CAMSAP1: variants seen among roughly 807,000 people sequenced by gnomAD.
CAMSAP1 encodes the protein calmodulin-regulated spectrin-associated protein 1.
A neutral mutation model predicts 143.5 loss-of-function variants in CAMSAP1; 58 were observed. The ratio of observed to expected loss-of-function variants is 0.40; its 90% CI spans 0.33 to 0.50. The LOEUF (loss-of-function observed/expected upper bound fraction) is 0.50, where lower values mean the gene tolerates loss of function less well. Among genes scored for constraint, CAMSAP1 ranks in the 20% least tolerant of loss-of-function variants. The pLI is 0.45. For missense variants in CAMSAP1, 1,969 were observed against 2,115.7 expected (o/e 0.93, Z 1.36); for synonymous variants, 945 against 859.3 (o/e 1.10, Z -1.74).
Position 135,907,069 on chromosome 9 carries a change from G to A in CAMSAP1, c.91C>T (p.Arg31Cys). ...DGAADLVPLD[R>C]YDAARAKIAA... ...ATCTTGGCGCGCGCCGCGTCGTAGC[G>A]GTCCAGGGGCACGAGGTCGGCGGCG... The change falls in exon 1 of 17, where the codon CGC (arginine) becomes TGC (cysteine). Residue 31 changes from arginine (R) to cysteine (C), a missense_variant. Arg to Cys is a radical substitution (Grantham distance 180). This residue lies in a region of CAMSAP1 where 215 missense variants were observed against 196.2 expected (regional missense o/e 1.10). Transcript: ENST00000389532. The A allele has an allele frequency of 8.4e-7, 1 of 1,184,096 alleles. No homozygotes were observed. Among genetic ancestry groups the A allele is most frequent in the Non-Finnish European group, 1.1e-6 (1 of 948,588 alleles). 73.3% of individuals were successfully genotyped at this position (1,184,096 alleles called of 1,614,324 possible). A position where few individuals can be genotyped will look rare whatever the true frequency, so the allele number is the denominator to read the frequency against.
In CAMSAP1 at chr9:135,822,520, C is replaced by T. The variant is rs1588445926; in HGVS notation, c.2141G>A (p.Arg714Lys). ...GCTTTTTGAACAACTAACATATAAC[C>T]TTCCCTCGGTGTCTTCATCGGCCCT... ...VGRADEDTEG[R>K]LYVSCSKSPN... The change falls in exon 11 of 17, where the codon AGG (arginine) becomes AAG (lysine). Residue 714 changes from arginine to lysine, a missense_variant. By Grantham distance (26) the Arg-to-Lys change is conservative. This residue lies in a region of CAMSAP1 where 1,390 missense variants were observed against 1,420.8 expected (regional missense o/e 0.98). Transcript: ENST00000389532. The surrounding 1 kb of genome is among the most constrained non-coding windows in gnomAD (Gnocchi z 6.1). 1.2e-6 allele frequency: 2 copies of T among 1,613,780 alleles called. No individual in the cohort carries two copies. The highest frequency in any genetic ancestry group is 2.7e-5 in the African/African-American group (2 of 74,948).
intron 1 of CAMSAP1, among the ~76,000 whole-genome samples, chr9:135,887,170 A>G (rs936491797): frequency 4.6e-5 from 7 of 152,216 alleles, no homozygotes; most frequent in Non-Finnish European, 8.8e-5. Context: ...ACCTGAGGAC[A>G]CCAAGCCCAC....
chr9:135,856,040 A>C (rs1254969616), intron 5 of CAMSAP1, among the ~76,000 whole-genome samples: 5 of 152,210 alleles, frequency 3.3e-5, no homozygotes, highest in Admixed American at 3.3e-4. Context: ...CAAGAGAGTG[A>C]GACTCCAGTC....
At chr9:135,862,660 CAT>C in intron 4 of CAMSAP1, 52 bp from the exon 5 acceptor site, 1 of 1,535,702 alleles carries the variant, frequency 6.5e-7, no homozygotes, top group Non-Finnish European at 8.8e-7. Flanking sequence ...TCTTCACTAC[CAT>C]ATATGTTACA....
chr9:135,870,036 GGCT>G (rs1180455897), intron 3 of CAMSAP1, among the ~76,000 whole-genome samples: 1 of 152,162 alleles, frequency 6.6e-6, no homozygotes, highest in East Asian at 1.9e-4. Flanking sequence ...AATGACGTCT[GGCT>G]GCTAATAGGT....
chr9:135,811,376 G>A lies in CAMSAP1; in HGVS notation c.4742C>T (p.Thr1581Ile), dbSNP rs1835044259. Residue 1581 changes from threonine (T) to isoleucine (I), a missense_variant, in exon 17 of 17, where the codon ACA becomes ATA. By Grantham distance (89) the Thr-to-Ile change is moderately conservative. Transcript: ENST00000389532. The surrounding 1 kb of genome is among the most constrained non-coding windows in gnomAD (Gnocchi z 4.9). Reference protein sequence around the residue: ...KTMSVSVDALTIHNHLWQPKR... With the variant: ...KTMSVSVDALIIHNHLWQPKR... ...GGGCTGCCACAGGTGGTTGTGGATT[G>A]TGAGTGCGTCCACACTGACAGACAT... The A allele has an allele frequency of 6.2e-7, 1 of 1,612,922 alleles. No individual in the cohort carries two copies. The highest frequency in any genetic ancestry group is 1.3e-5 in the African/African-American group (1 of 74,910).
In CAMSAP1 at chr9:135,820,506, G is replaced by C. The variant is rs1835405300; in HGVS notation, c.3822+333C>G. Among the ~76,000 whole-genome samples the C allele has an allele frequency of 1.3e-5, 2 of 151,902 alleles. No individual in the cohort carries two copies. The highest frequency in any genetic ancestry group is 2.9e-5 in the Non-Finnish European group (2 of 68,012). On this transcript the variant is annotated intron_variant, in intron 11 of 16. Transcript: ENST00000389532. The surrounding 1 kb of genome is among the most constrained non-coding windows in gnomAD (Gnocchi z 4.4). ...CGACGAACGCTTTTTACGCTTTGGG[G>C]CAGGACAGGGAGATGACAGGGTTTT...
intron 5 of CAMSAP1, among the ~76,000 whole-genome samples, chr9:135,858,799 G>A (rs1281006411): frequency 6.6e-6 from 1 of 152,260 alleles, no homozygotes; most frequent in African/African-American, 2.4e-5. Context: ...CCCCCAGGAA[G>A]CCATGGTGCA....
At chr9:135,842,160 T>C (rs1293173615) in intron 7 of CAMSAP1, among the ~76,000 whole-genome samples, 1 of 152,136 alleles carries the variant, frequency 6.6e-6, no homozygotes, top group Non-Finnish European at 1.5e-5. Flanking sequence ...CACAAATGAC[T>C]TGACGGAGCT....
intron 3 of CAMSAP1, among the ~76,000 whole-genome samples, chr9:135,881,258 G>A (rs1260701676): frequency 6.6e-6 from 1 of 151,976 alleles, no homozygotes; most frequent in Admixed American, 6.6e-5. Context: ...TCAGGAGGCT[G>A]AGGCAGGAGG....
At chr9:135,876,928 G>C (rs1291676969) in intron 3 of CAMSAP1, among the ~76,000 whole-genome samples, 1 of 152,148 alleles carries the variant, frequency 6.6e-6, no homozygotes. Flanking sequence ...AGAATCGCTT[G>C]AACCCAGGAG....
At chr9:135,865,953 G>C (rs994210485) in intron 4 of CAMSAP1, among the ~76,000 whole-genome samples, 1 of 152,190 alleles carries the variant, frequency 6.6e-6, no homozygotes, top group African/African-American at 2.4e-5. Context: ...AGAAAATAAC[G>C]TCAGAGGAAG....
chr9:135,865,431 A>G, intron 4 of CAMSAP1: 1 of 1,466,270 alleles, frequency 6.8e-7, no homozygotes, highest in Non-Finnish European at 9.3e-7. Context: ...CGTGTGGACG[A>G]GGTAACACAC....
At chr9:135,816,371 C>G (rs1835230724) in intron 14 of CAMSAP1, among the ~76,000 whole-genome samples, 1 of 152,172 alleles carries the variant, frequency 6.6e-6, no homozygotes. Context: ...TTTGGGCCAC[C>G]TGTGCTGCTG....
intron 1 of CAMSAP1, among the ~76,000 whole-genome samples, chr9:135,904,494 AAC>A (rs1838712008): frequency 6.6e-6 from 1 of 152,128 alleles, no homozygotes; most frequent in Non-Finnish European, 1.5e-5. Flanking sequence ...CAGCCTGGGA[AAC>A]ACAGGCAGAC....
chr9:135,818,078 A>G lies in CAMSAP1; in HGVS notation c.4170T>C (p.Pro1390=), dbSNP rs749247041. ...SDSGTKCSST[P]DNLSRTQSGS... is the part of the protein sequence containing the mutation. ...CTGACTGAGTCCGGCTCAAGTTATC[A>G]GCTGCCAGAGACAGAAACAGACGAC... Residue 1390 remains proline (P), a splice_region_variant and synonymous_variant, in exon 14 of 17, where the codon CCT becomes CCC. Coordinates refer to ENST00000389532, the MANE Select transcript of CAMSAP1 (RefSeq NM_015447.4). This position sits in a 1 kb window ranked among gnomAD's most constrained non-coding sequence, Gnocchi z 7.7. 2 of 1,613,542 alleles carry G rather than the reference A, an allele frequency of 1.2e-6. No individual in the cohort carries two copies. Among genetic ancestry groups the G allele is most frequent in the Non-Finnish European group, 1.7e-6 (2 of 1,179,818 alleles).
rs1386953853 is a variant in CAMSAP1 at position 135,810,218 on chromosome 9, TG to T, written c.*1090del. The T allele has an allele frequency of 1.3e-5, 2 of 152,234 alleles. No homozygotes were observed. Among genetic ancestry groups the T allele is most frequent in the Non-Finnish European group, 2.9e-5 (2 of 68,036 alleles). The allele number at this position is 152,234 out of a possible 1,614,324, so 9.4% of individuals were successfully genotyped here. On this transcript the variant is annotated 3_prime_UTR_variant, in exon 17 of 17. Transcript: ENST00000389532. ...CACTTACTTGGAGTTCTGAAATAAC[TG>T]CAAATAACCACTTAATTGTTTTTAA...
Position 135,821,544 on chromosome 9 carries a change from C to T in CAMSAP1, c.3117G>A (p.Leu1039=). ...GCTGCTCTTGCTGCTGAGAGATTTT[C>T]AGGATGGCCTGCTGCAGCGTACTGA... ...ETISTLQQAI[L]KISQQQEQLL... The change falls in exon 11 of 17, where the codon CTG becomes CTA. Residue 1039 remains leucine, a synonymous_variant. Coordinates refer to ENST00000389532, the MANE Select transcript of CAMSAP1 (RefSeq NM_015447.4). This position sits in a 1 kb window ranked among gnomAD's most constrained non-coding sequence, Gnocchi z 4.6. 6.2e-7 allele frequency: 1 copy of T among 1,613,992 alleles called. No individual in the cohort carries two copies. Among genetic ancestry groups the T allele is most frequent in the East Asian group, 2.2e-5 (1 of 44,882 alleles).
At chr9:135,904,725 T>C (rs918977595) in intron 1 of CAMSAP1, among the ~76,000 whole-genome samples, 1 of 151,806 alleles carries the variant, frequency 6.6e-6, no homozygotes, top group African/African-American at 2.4e-5. Context: ...TCCCAGCACT[T>C]TGGGAGGCCA....
Sources: gnomAD v4.1 joint callset for allele counts (sites outside exome capture counted in the v4.1 genomes callset) on GRCh38, gnomAD v4.1.1 for gene constraint, gnomAD v4.1.1 regional missense constraint, Gnocchi (gnomAD v3.1) non-coding constraint, MANE v1.5 for transcripts, NCBI Gene and HGNC (gene_info 2026-07-23, HGNC 2026-07-21) for gene names.